AKAP6: variants seen among roughly 807,000 people sequenced by gnomAD.
AKAP6 encodes A-kinase anchor protein 6.
In AKAP6, 58 loss-of-function variants were observed where a neutral mutation model predicts 188.5. The ratio of observed to expected loss-of-function variants is 0.31; its 90% CI spans 0.25 to 0.38. The LOEUF is 0.38. Ranked by LOEUF, AKAP6 falls within the 10% of genes least tolerant of loss-of-function variation. The pLI is 1.00. For synonymous variants in AKAP6, 989 were observed against 998.6 expected, an observed-to-expected ratio of 0.99 and a Z score of 0.18; for missense variants, 2,710 against 2,740.0, an observed-to-expected ratio of 0.99 and a Z score of 0.24.
chr14:32,418,410 C>G (rs1240834042), intron 1 of AKAP6, among the ~76,000 whole-genome samples: 1 of 152,126 alleles, frequency 6.6e-6, no homozygotes, highest in East Asian at 1.9e-4. Context: ...TGCTTCCTTC[C>G]TAACACATCA....
chr14:32,419,338 T>C (rs541688857), intron 1 of AKAP6, among the ~76,000 whole-genome samples: 1 of 152,316 alleles, frequency 6.6e-6, no homozygotes, highest in South Asian at 2.1e-4. Flanking sequence ...TCTGGGAGTC[T>C]ATAGTGAGTA....
At chr14:32,555,869 C>G (rs937426777) in intron 4 of AKAP6, among the ~76,000 whole-genome samples, 1 of 152,114 alleles carries the variant, frequency 6.6e-6, no homozygotes, top group Non-Finnish European at 1.5e-5. Flanking sequence ...GTTGCTTCCA[C>G]CTTTGGCTAT....
chr14:32,448,716 GACCCTTTGAA>G (rs1462983360), intron 2 of AKAP6, among the ~76,000 whole-genome samples: 1 of 152,136 alleles, frequency 6.6e-6, no homozygotes, highest in Non-Finnish European at 1.5e-5. Context: ...TATATCAAGA[GACCCTTTGAA>G]ACCCATTCAT....
chr14:32,332,375 A>T, intron 1 of AKAP6, among the ~76,000 whole-genome samples: 1 of 152,094 alleles, frequency 6.6e-6, no homozygotes, highest in East Asian at 1.9e-4. Context: ...TGTCATTTGC[A>T]ACACTAAGGT....
intron 2 of AKAP6, among the ~76,000 whole-genome samples, chr14:32,443,454 A>G (rs1177147789): frequency 6.6e-6 from 1 of 152,102 alleles, no homozygotes; most frequent in African/African-American, 2.4e-5. Context: ...CTCATTGCCC[A>G]GGCCATGTTC....
intron 2 of AKAP6, among the ~76,000 whole-genome samples, chr14:32,505,118 T>A (rs1476944283): frequency 6.6e-6 from 1 of 152,196 alleles, no homozygotes; most frequent in Non-Finnish European, 1.5e-5. Flanking sequence ...CTATAACCTC[T>A]AATTAATTTT....
chr14:32,822,576 A>T lies in AKAP6; in HGVS notation c.4763A>T (p.Asp1588Val). ...TTGGGCATCTTTAAAAATGGCAGTG[A>T]CAGCCTCCAGCGAAGCACTTCTTTA... is the stretch of plus-strand genomic sequence containing the variant. ...FGLGIFKNGS[D>V]SLQRSTSLES... The change falls in exon 13 of 14, where the codon GAC (aspartate) becomes GTC (valine). Residue 1588 changes from aspartate (D) to valine (V), a missense_variant. Around this residue, in one of 2 missense-constraint regions of AKAP6, gnomAD observed 2,473 missense variants for 2,426.1 expected, o/e 1.02. Transcript: ENST00000280979. The T allele has an allele frequency of 1.2e-6, 2 of 1,614,030 alleles. No individual in the cohort carries two copies. The highest frequency in any genetic ancestry group is 1.7e-6 in the Non-Finnish European group (2 of 1,179,958).
chr14:32,489,313 A>G (rs1426145389), intron 2 of AKAP6, among the ~76,000 whole-genome samples: 1 of 152,138 alleles, frequency 6.6e-6, no homozygotes, highest in Non-Finnish European at 1.5e-5. Context: ...GGCTCAAGCG[A>G]TCTTCCTGCC....
chr14:32,547,068 C>T (rs1477511647), intron 4 of AKAP6, 69 bp downstream of exon 4: 3 of 1,317,104 alleles, frequency 2.3e-6, no homozygotes, highest in Admixed American at 4.5e-5. Context: ...GAGAAGGTCA[C>T]ACTCCTACAC....
intron 5 of AKAP6, among the ~76,000 whole-genome samples, chr14:32,585,519 T>C (rs1327703570): frequency 1.3e-5 from 2 of 151,950 alleles, no homozygotes; most frequent in African/African-American, 2.4e-5. Flanking sequence ...TGTGTGTATG[T>C]ACAACACAAC....
At chr14:32,820,477 A>C (rs1302713815) in intron 12 of AKAP6, among the ~76,000 whole-genome samples, 1 of 152,048 alleles carries the variant, frequency 6.6e-6, no homozygotes, top group Non-Finnish European at 1.5e-5. Flanking sequence ...GTGGGCAGGC[A>C]GAGAGCAGCA....
intron 1 of AKAP6, among the ~76,000 whole-genome samples, chr14:32,408,856 G>A (rs12888500): frequency 0.62 from 94,725 of 151,910 alleles, 31,814 homozygotes; most frequent in Non-Finnish European, 0.75. Context: ...CTGGTGAAAG[G>A]CTTCATGTGT....
chr14:32,709,915 GT>G (rs1388614048), intron 9 of AKAP6, among the ~76,000 whole-genome samples: 1 of 151,806 alleles, frequency 6.6e-6, no homozygotes, highest in Non-Finnish European at 1.5e-5. Flanking sequence ...ATTTATTTCA[GT>G]TTTGTCTACA....
intron 12 of AKAP6, among the ~76,000 whole-genome samples, chr14:32,788,366 A>G (rs1369460347): frequency 6.6e-6 from 1 of 152,220 alleles, no homozygotes; most frequent in Non-Finnish European, 1.5e-5. Context: ...GAGGTTCAAG[A>G]TGGCCAATTA....
intron 2 of AKAP6, among the ~76,000 whole-genome samples, chr14:32,517,921 T>A (rs1380659587): frequency 6.6e-6 from 1 of 152,140 alleles, no homozygotes; most frequent in Non-Finnish European, 1.5e-5. Context: ...GACGCCCGAG[T>A]AGCCTAACTG....
chr14:32,427,090 A>G (rs1890058354), intron 1 of AKAP6, among the ~76,000 whole-genome samples: 2 of 152,156 alleles, frequency 1.3e-5, no homozygotes, highest in Admixed American at 6.5e-5. Context: ...TAACACCGAG[A>G]TCTTTTAAAT....
intron 1 of AKAP6, among the ~76,000 whole-genome samples, chr14:32,362,950 T>C (rs1445350989): frequency 6.6e-6 from 1 of 152,054 alleles, no homozygotes; most frequent in Non-Finnish European, 1.5e-5. Flanking sequence ...ACTTCTGAGG[T>C]ATATGTCAAG....
chr14:32,821,482 C>T lies in AKAP6; in HGVS notation c.3669C>T (p.Asp1223=), dbSNP rs2034516893. 3 of 1,613,592 alleles carry T rather than the reference C, an allele frequency of 1.9e-6. No homozygotes were observed. Among genetic ancestry groups the T allele is most frequent in the African/African-American group, 2.7e-5 (2 of 74,990 alleles). Reference sequence around the variant, plus strand: ...ATGCCCTGGAATGGGATGAAATGGACATAAGTAACAAGTTAATTAGTTTGA... The same window carrying T: ...ATGCCCTGGAATGGGATGAAATGGATATAAGTAACAAGTTAATTAGTTTGA... ...SEDALEWDEM[D]ISNKLISLNE... The change falls in exon 13 of 14, where the codon GAC becomes GAT. Residue 1223 remains aspartate (D), a synonymous_variant. Transcript: ENST00000280979.
chr14:32,484,958 C>T lies in AKAP6; in HGVS notation c.325-50596C>T, dbSNP rs1275607442. On this transcript the variant is annotated intron_variant, in intron 2 of 13. Transcript: ENST00000280979. ...GGCGGGGCTTCTCCCGCCTTTTTTT[C>T]CTGCGGCGGGAGAAGTAGATTGAAG... is the stretch of plus-strand genomic sequence containing the variant. Among the ~76,000 whole-genome samples, 75 of 75,070 alleles carry T rather than the reference C, an allele frequency of 1.0e-3. 28 individuals are homozygous for T. Among genetic ancestry groups the T allele is most frequent in the Middle Eastern group, 0.012 (2 of 168 alleles). The allele number at this position is 75,070 out of a possible 152,430, so 49.2% of individuals were successfully genotyped here.
Sources: allele counts gnomAD v4.1 joint callset (sites outside exome capture counted in the v4.1 genomes callset), GRCh38; gene constraint gnomAD v4.1.1; regional missense constraint gnomAD v4.1.1; transcripts MANE v1.5; gene names NCBI Gene and HGNC (gene_info 2026-07-23, HGNC 2026-07-21).